Variants in PRSS53 observed in about 807,000 individuals in gnomAD.
PRSS53 encodes serine protease 53.
In PRSS53, 54 loss-of-function variants were observed where a neutral mutation model predicts 62.7. The observed-to-expected ratio is 0.86, with a 90% CI of 0.69 to 1.08. The LOEUF (loss-of-function observed/expected upper bound fraction) is 1.08. PRSS53 is among the 50% of genes least tolerant of loss of function. The pLI is 0.00. For synonymous variants in PRSS53, 273 were observed against 300.0 expected (o/e 0.91, Z 0.93); for missense variants, 688 against 728.3 (o/e 0.94, Z 0.64).
At chr16:31,086,124 G>C (rs775804184) in exon 6 of PRSS53, 1 of 1,613,316 alleles carries the variant, frequency 6.2e-7, no homozygotes, top group East Asian at 2.2e-5. Context: ...AGCTGATGAT[G>C]CCAGCCTGAA....
intron 1 of PRSS53, chr16:31,088,511 T>C: frequency 7.1e-7 from 1 of 1,399,320 alleles, no homozygotes; most frequent in Non-Finnish European, 9.3e-7. Context: ...AGGCAGCACC[T>C]CACACACACA....
chr16:31,084,398 G>C, intron 9 of PRSS53, 63 bp from the exon 10 acceptor site: 1 of 1,532,598 alleles, frequency 6.5e-7, no homozygotes, highest in East Asian at 2.3e-5. Context: ...CGGTAGAGCA[G>C]GCTAGGGAAC....
At chr16:31,083,702 A>ATC in exon 11 of PRSS53, 1 of 1,608,864 alleles carries the variant, frequency 6.2e-7, no homozygotes, top group East Asian at 2.2e-5. Flanking sequence ...GGTGCCTGGA[A>ATC]TCACACATGA....
exon 4 of PRSS53, chr16:31,086,736 G>A (rs1215272223): frequency 6.3e-7 from 1 of 1,597,082 alleles, no homozygotes; most frequent in African/African-American, 1.3e-5. Flanking sequence ...TCGTGGGGTG[G>A]GCGAGCTGCA....
exon 3 of PRSS53, chr16:31,087,641 G>C (rs773593392): frequency 6.2e-7 from 1 of 1,610,548 alleles, no homozygotes; most frequent in South Asian, 1.1e-5. Flanking sequence ...AGGGCCACTC[G>C]CCAGGGACTG....
chr16:31,086,304 C>T, intron 5 of PRSS53, 33 bp downstream of exon 5: 2 of 1,592,834 alleles, frequency 1.3e-6, no homozygotes, highest in Non-Finnish European at 1.7e-6. Flanking sequence ...TTAGGCCCCT[C>T]CCCTTCTGCT....
chr16:31,085,257 C>T, exon 7 of PRSS53: 2 of 1,558,026 alleles, frequency 1.3e-6, no homozygotes, highest in South Asian at 1.2e-5. Flanking sequence ...CAAGGATCCA[C>T]AGGCTGAAAC....
At position 31,086,456 on chromosome 16, in the gene PRSS53, TG is replaced by T; in HGVS notation, c.543del (p.Ile182SerfsTer77). ...ATACAGTTACATGTGGGGCGACTGATGAGACGCAGGCGCAGATTGCGTAGGG... is the reference window on the plus strand; with the variant it reads ...ATACAGTTACATGTGGGGCGACTGATAGACGCAGGCGCAGATTGCGTAGGG... On this transcript the variant is annotated frameshift_variant, in exon 5 of 11. Transcript: ENST00000280606. LOFTEE classifies it high-confidence loss of function. 1 of 1,613,988 alleles carries T rather than the reference TG, an allele frequency of 6.2e-7. No homozygotes were observed. The highest frequency in any genetic ancestry group is 8.5e-7 in the Non-Finnish European group (1 of 1,179,926).
At chr16:31,087,319 G>T (rs1013738002) in intron 3 of PRSS53, 1 of 592,712 alleles carries the variant, frequency 1.7e-6, no homozygotes, top group African/African-American at 1.9e-5. Flanking sequence ...TTTAAGCGAG[G>T]TCATTCCCTT....
exon 8 of PRSS53, chr16:31,084,873 C>T (rs1307659663): frequency 6.5e-7 from 1 of 1,547,694 alleles, no homozygotes; most frequent in African/African-American, 1.4e-5. Context: ...CGCAGGCTGG[C>T]TCCCAGTGTC....
chr16:31,087,363 C>T (rs1392516750), intron 3 of PRSS53, 174 bp downstream of exon 3: 2 of 619,258 alleles, frequency 3.2e-6, no homozygotes, highest in East Asian at 2.8e-5. Context: ...AAATCTTCTA[C>T]CATGAAAGGT....
chr16:31,087,901 TG>T (rs1334336775), intron 1 of PRSS53, 75 bp from the exon 2 acceptor site: 13 of 1,590,866 alleles, frequency 8.2e-6, no homozygotes, highest in South Asian at 3.4e-5. Context: ...GGGGATGGGC[TG>T]GGGGGCGGGC....
intron 6 of PRSS53, 80 bp from the exon 7 acceptor site, chr16:31,085,340 A>C: frequency 7.0e-7 from 1 of 1,428,774 alleles, no homozygotes; most frequent in East Asian, 2.5e-5. Flanking sequence ...AGCTTTTGAA[A>C]TTGAATTTTG....
chr16:31,084,655 G>A (rs1394293191), exon 9 of PRSS53: 8 of 1,610,212 alleles, frequency 5.0e-6, no homozygotes, highest in Middle Eastern at 1.8e-4. Context: ...CCGGCTGCAG[G>A]CCCTAGGCCC....
chr16:31,084,343 G>A lies in PRSS53; in HGVS notation c.1426-8C>T, dbSNP rs957917839. 8.7e-6 allele frequency: 14 copies of A among 1,608,668 alleles called. No individual in the cohort carries two copies. Among genetic ancestry groups the A allele is most frequent in the Non-Finnish European group, 1.2e-5 (14 of 1,178,404 alleles). Reference sequence around the variant, plus strand: ...TGGTGCCCCAGACAGGCCCTGTCAGGGGTCAGGTGACACTGGGTGACTTTT... The same window carrying A: ...TGGTGCCCCAGACAGGCCCTGTCAGAGGTCAGGTGACACTGGGTGACTTTT... On this transcript the variant is annotated splice_region_variant and splice_polypyrimidine_tract_variant and intron_variant, in intron 9 of 10. Coordinates refer to ENST00000280606, the Ensembl canonical transcript of PRSS53.
exon 4 of PRSS53, chr16:31,086,739 G>A (rs1484735089): frequency 9.4e-6 from 15 of 1,598,066 alleles, no homozygotes; most frequent in Admixed American, 1.7e-5. Context: ...TGGGGTGGGC[G>A]AGCTGCAGCA....
At chr16:31,088,677 C>T in intron 1 of PRSS53, 75 bp downstream of exon 1, 3 of 1,603,274 alleles carry the variant, frequency 1.9e-6, no homozygotes, top group Non-Finnish European at 2.6e-6. Context: ...CACCAAGAAG[C>T]AGGGACTGCT....
chr16:31,083,824 G>A lies in PRSS53; in HGVS notation c.1643-15C>T. The A allele has an allele frequency of 1.2e-6, 2 of 1,614,032 alleles. No homozygotes were observed. The highest frequency in any genetic ancestry group is 1.7e-6 in the Non-Finnish European group (2 of 1,179,886). ...GGTTGGTTGGCCTGTGGGGAAGGAA[G>A]GAGGGTGGAGTTGTCCTCATCCTCA... On this transcript the variant is annotated splice_polypyrimidine_tract_variant and intron_variant, in intron 10 of 10. Coordinates refer to ENST00000280606, the Ensembl canonical transcript of PRSS53.
In PRSS53 at chr16:31,085,174, G is replaced by C. The variant is rs72785539; in HGVS notation, c.970C>G (p.Leu324Val). ...GACACCAGGGCTCCGCCACAGGCCA[G>C]CTGTCCCTGGTGCATCAGCCTGGCC... Residue 324 changes from leucine to valine, a missense_variant, in exon 7 of 11, where the codon CTG (leucine) becomes GTG (valine). Transcript: ENST00000280606. 3,955 of 1,610,212 alleles carry C rather than the reference G, an allele frequency of 2.5e-3. 13 individuals carry two copies. The highest frequency in any genetic ancestry group is 2.3e-3 in the Non-Finnish European group (2,672 of 1,178,574).
Sources: gnomAD v4.1 joint callset for allele counts on GRCh38, gnomAD v4.1.1 for gene constraint, MANE v1.5 for transcripts, NCBI Gene and HGNC (gene_info 2026-07-23, HGNC 2026-07-21) for gene names.